ABR: variants seen among roughly 807,000 people sequenced by gnomAD.
The protein encoded by ABR is active breakpoint cluster region-related protein.
ABR carries 35 observed loss-of-function variants against 107.2 expected under a neutral mutation model. The ratio of observed to expected loss-of-function variants is 0.33; its 90% CI spans 0.25 to 0.43. The LOEUF is 0.43. ABR is among the 20% of genes least tolerant of loss of function. The pLI is 1.00. For missense variants in ABR, 815 were observed against 1,115.2 expected (o/e 0.73, Z 3.83); for synonymous variants, 498 against 462.0 (o/e 1.08, Z -1.00).
chr17:1,021,490 G>T lies in ABR; in HGVS notation c.1792-8326C>A, dbSNP rs558254457. The stretch of plus-strand genomic sequence containing the variant: ...ATGCGGGAGGGTTTCCCTCAGAGGG[G>T]GTTGCAGAGGTTCATAAAAAAAAGT... On this transcript the variant is annotated intron_variant, in intron 16 of 22. Coordinates refer to ENST00000302538, the MANE Select transcript of ABR (RefSeq NM_021962.5). Among the ~76,000 whole-genome samples the T allele has an allele frequency of 2.0e-4, 31 of 152,342 alleles. No individual in the cohort carries two copies. In the South Asian group the frequency reaches 2.3e-3, roughly 11 times the overall value.
At chr17:1,128,503 T>C (rs1409252727) in intron 1 of ABR, among the ~76,000 whole-genome samples, 1 of 152,262 alleles carries the variant, frequency 6.6e-6, no homozygotes, top group East Asian at 1.9e-4. Flanking sequence ...GTGAGCCATA[T>C]GATTACGTTC....
At position 1,051,454 on chromosome 17, in the gene ABR, C is replaced by A. The variant is rs879747107; in HGVS notation, c.1562-820G>T. 2.0e-5 allele frequency among the ~76,000 whole-genome samples: 3 copies of A among 152,242 alleles called. No individual in the cohort carries two copies. Among genetic ancestry groups the A allele is most frequent in the Non-Finnish European group, 2.9e-5 (2 of 67,996 alleles). On this transcript the variant is annotated intron_variant, in intron 14 of 22. Coordinates refer to ENST00000302538, the MANE Select transcript of ABR (RefSeq NM_021962.5). This position sits in a 1 kb window ranked among gnomAD's most constrained non-coding sequence, Gnocchi z 4.3. ...GGGAGGGCAGGGCCGGGGGCTTTCC[C>A]CGGCATTTCCATCTTCCACCCTGGC...
At chr17:1,160,667 C>T (rs1364305213) in intron 1 of ABR, among the ~76,000 whole-genome samples, 6 of 152,168 alleles carry the variant, frequency 3.9e-5, no homozygotes, top group Non-Finnish European at 5.9e-5. Flanking sequence ...AGACGCCGAG[C>T]GCGTACGAGG....
At chr17:1,044,205 G>T (rs541809269) in intron 16 of ABR, among the ~76,000 whole-genome samples, 6 of 152,070 alleles carry the variant, frequency 3.9e-5, no homozygotes, top group Middle Eastern at 3.4e-3. Context: ...GTGGAGGGGG[G>T]GCTCCCAGCT....
rs189322279 is a variant in ABR at position 1,011,451 on chromosome 17, C to G, written c.2101+395G>C. On this transcript the variant is annotated intron_variant, in intron 19 of 22. Transcript: ENST00000302538. This position sits in a 1 kb window ranked among gnomAD's most constrained non-coding sequence, Gnocchi z 4.8. ...TCAGGCCTCACCATGGTGGGCTTCACGCAGAGGCAGCACTGCCCCAGAGGG... is the reference window on the plus strand; with the variant it reads ...TCAGGCCTCACCATGGTGGGCTTCAGGCAGAGGCAGCACTGCCCCAGAGGG... 5.9e-6 allele frequency: 1 copy of G among 170,386 alleles called. No homozygotes were observed. Among genetic ancestry groups the G allele is most frequent in the African/African-American group, 2.4e-5 (1 of 41,958 alleles). 10.6% of individuals were successfully genotyped at this position (170,386 alleles called of 1,614,324 possible).
At chr17:1,162,781 T>C (rs1189102624) in intron 1 of ABR, among the ~76,000 whole-genome samples, 6 of 151,928 alleles carry the variant, frequency 3.9e-5, no homozygotes, top group African/African-American at 1.5e-4. Context: ...TCCCAGCACT[T>C]TGAAAGGCTA....
intron 14 of ABR, among the ~76,000 whole-genome samples, chr17:1,053,967 C>G (rs11650041): frequency 0.11 from 16,604 of 152,220 alleles, 1,195 homozygotes; most frequent in Non-Finnish European, 0.16. Context: ...TCCACGGTAA[C>G]AAGCAGCCTG....
chr17:1,136,201 C>A lies in ABR; in HGVS notation c.62-10834G>T, dbSNP rs544621138. 6.6e-5 allele frequency among the ~76,000 whole-genome samples: 10 copies of A among 152,108 alleles called. No individual in the cohort carries two copies. The South Asian group carries it at 1.2e-3, about 19-fold the overall frequency. On this transcript the variant is annotated intron_variant, in intron 1 of 22. Transcript: ENST00000302538. ...AGGCTGTTTTGTCTACATTGAAAAT[C>A]TGATCTGTTTTGTTTTTGTTTTGTT...
In ABR at chr17:1,073,646, AGTGACCCGGTCAATGGGCTT is replaced by A; in HGVS notation, c.712_731del (p.Lys238SerfsTer101). ...TCACGTGTAGGACTAGGGTGCTCCG[AGTGACCCGGTCAATGGGCTT>A]GTAGAGCAGAGCTGTCGGGGGAGAC... On this transcript the variant is annotated frameshift_variant, in exon 7 of 23. Transcript: ENST00000302538. LOFTEE classifies it high-confidence loss of function. 1 of 1,604,680 alleles carries A rather than the reference AGTGACCCGGTCAATGGGCTT, an allele frequency of 6.2e-7. No homozygotes were observed.
At chr17:1,144,573 G>A (rs1230027155) in intron 1 of ABR, among the ~76,000 whole-genome samples, 1 of 145,450 alleles carries the variant, frequency 6.9e-6, no homozygotes, top group Non-Finnish European at 1.5e-5. Context: ...ACAATAACGC[G>A]TTCAGTCAAT....
At chr17:1,137,135 C>T (rs1266182428) in intron 1 of ABR, among the ~76,000 whole-genome samples, 1 of 151,998 alleles carries the variant, frequency 6.6e-6, no homozygotes, top group African/African-American at 2.4e-5. Flanking sequence ...CCTCTGCCTC[C>T]CAGGTTCAAG....
In ABR at chr17:1,210,042, C is replaced by T. The variant is rs1198191106; in HGVS notation, c.838+18751G>A. Among the ~76,000 whole-genome samples, 3 of 152,122 alleles carry T rather than the reference C, an allele frequency of 2.0e-5. No individual in the cohort carries two copies. Among genetic ancestry groups the T allele is most frequent in the Non-Finnish European group, 4.4e-5 (3 of 68,014 alleles). On this transcript the variant is annotated intron_variant, in intron 1 of 22. Transcript: ENST00000574139. The surrounding 1 kb of genome is among the most constrained non-coding windows in gnomAD (Gnocchi z 5.6). ...CCTCCAACAAATTAAAAAAAGAAAA[C>T]ACATATCTTTCATGGCAAAGACACC...
At chr17:1,134,949 G>T (rs2039992322) in intron 1 of ABR, among the ~76,000 whole-genome samples, 1 of 152,232 alleles carries the variant, frequency 6.6e-6, no homozygotes, top group East Asian at 1.9e-4. Context: ...CCGCTGCGGG[G>T]GTTAAACTGG....
At chr17:1,018,606 C>G (rs2586247) in intron 16 of ABR, among the ~76,000 whole-genome samples, 100,553 of 151,934 alleles carry the variant, frequency 0.66, 33,769 homozygotes, top group African/African-American at 0.77. Context: ...ACAACCTGGT[C>G]GGGGGGAGTG....
rs1325632506 is a variant in ABR at position 1,157,216 on chromosome 17, G to C, written c.61+22451C>G. Among the ~76,000 whole-genome samples, 1 of 151,074 alleles carries C rather than the reference G, an allele frequency of 6.6e-6. No individual in the cohort carries two copies. The highest frequency in any genetic ancestry group is 1.5e-5 in the Non-Finnish European group (1 of 67,898). ...CTGGTCTCAGACACTACCCTCTCTT[G>C]CTACTAAGTCAGTCGTGCTACAGCG... On this transcript the variant is annotated intron_variant, in intron 1 of 22. Transcript: ENST00000302538. This position sits in a 1 kb window ranked among gnomAD's most constrained non-coding sequence, Gnocchi z 4.7.
At chr17:1,187,756 T>C (rs1187496783), upstream of ABR, among the ~76,000 whole-genome samples, 3 of 151,360 alleles carry the variant, frequency 2.0e-5, no homozygotes, top group Non-Finnish European at 2.9e-5. Context: ...TAGCCGGGCA[T>C]GGTGGTGGGT....
chr17:1,025,936 C>T (rs2586257), intron 16 of ABR, among the ~76,000 whole-genome samples: 79,644 of 152,054 alleles, frequency 0.52, 23,031 homozygotes, highest in Admixed American at 0.68. Flanking sequence ...AAGGAGGTGA[C>T]AATGGCTCCC....
In ABR at chr17:1,114,629, T is replaced by C. The variant is rs375666711; in HGVS notation, c.246+10554A>G. ...CTCTACTAAAAATACAAAAATTAGCTAGGCGTGGTGGTGGACGCCTGTAGT... is the reference window on the plus strand; with the variant it reads ...CTCTACTAAAAATACAAAAATTAGCCAGGCGTGGTGGTGGACGCCTGTAGT... On this transcript the variant is annotated intron_variant, in intron 2 of 22. Coordinates refer to ENST00000302538, the MANE Select transcript of ABR (RefSeq NM_021962.5). Among the ~76,000 whole-genome samples, 14 of 151,726 alleles carry C rather than the reference T, an allele frequency of 9.2e-5. No homozygotes were observed. In the East Asian group the frequency reaches 1.7e-3, roughly 19 times the overall value.
In ABR at chr17:1,223,193, A is replaced by C. The variant is rs763113863; in HGVS notation, c.838+5600T>G. Among the ~76,000 whole-genome samples the C allele has an allele frequency of 6.0e-4, 90 of 150,812 alleles. 1 individual carries two copies. In the Middle Eastern group the frequency reaches 0.017, roughly 29 times the overall value. ...CACCAGCCGGGGTGACAAGAGCCAT[A>C]CTCCATCTCAAAAAAATAAATAATA... On this transcript the variant is annotated intron_variant, in intron 1 of 22. Transcript: ENST00000574139.
Sources: gnomAD v4.1 joint callset for allele counts (sites outside exome capture counted in the v4.1 genomes callset) on GRCh38, gnomAD v4.1.1 for gene constraint, Gnocchi (gnomAD v3.1) non-coding constraint, MANE v1.5 for transcripts, NCBI Gene and HGNC (gene_info 2026-07-23, HGNC 2026-07-21) for gene names.